The following NTM variants were observed in gnomAD, a reference collection of about 807,000 sequenced individuals.
NTM encodes the protein neurotrimin, also known as IgLON family member 2.
Under a neutral mutation model 42.1 loss-of-function variants are expected in NTM, and 13 were observed. That is an observed-to-expected ratio of 0.31 (90% CI 0.20 to 0.49). NTM has a LOEUF of 0.49. Ranked by LOEUF, NTM falls within the 20% of genes least tolerant of loss-of-function variation. The pLI, the probability that NTM is intolerant of heterozygous loss-of-function variation, is 0.99. For synonymous variants in NTM, 187 were observed against 179.2 expected, an observed-to-expected ratio of 1.04 and a Z score of -0.35; for missense variants, 373 against 452.8, an observed-to-expected ratio of 0.82 and a Z score of 1.60.
chr11:131,501,579 A>G (rs2046836113), intron 1 of NTM, among the ~76,000 whole-genome samples: 1 of 152,166 alleles, frequency 6.6e-6, no homozygotes, highest in African/African-American at 2.4e-5. Flanking sequence ...TTATATGTTC[A>G]AAAGGTCAGG....
At chr11:131,664,031 C>A (rs1385867899) in intron 1 of NTM, among the ~76,000 whole-genome samples, 4 of 152,196 alleles carry the variant, frequency 2.6e-5, no homozygotes, top group Non-Finnish European at 5.9e-5. Flanking sequence ...AAAGGAAAGT[C>A]TTTGGACCAC....
chr11:131,653,488 C>G (rs1249105154), intron 1 of NTM, among the ~76,000 whole-genome samples: 1 of 152,232 alleles, frequency 6.6e-6, no homozygotes, highest in African/African-American at 2.4e-5. Flanking sequence ...AGTGGGGCCT[C>G]TGTGTTTTAC....
chr11:131,859,074 A>ACATCCATC (rs772277900), intron 1 of NTM, among the ~76,000 whole-genome samples: 1 of 152,084 alleles, frequency 6.6e-6, no homozygotes, highest in East Asian at 1.9e-4. Context: ...TTCCCCTTCA[A>ACATCCATC]CATCCATCCA....
chr11:131,920,568 T>C (rs1260673097), intron 2 of NTM, among the ~76,000 whole-genome samples: 3 of 152,248 alleles, frequency 2.0e-5, no homozygotes, highest in Non-Finnish European at 4.4e-5. Context: ...TGATCTTTCA[T>C]GATCTGTTTT....
intron 1 of NTM, among the ~76,000 whole-genome samples, chr11:131,737,715 A>G (rs1236393502): frequency 3.3e-5 from 5 of 151,926 alleles, no homozygotes; most frequent in African/African-American, 1.2e-4. Context: ...CTCTGCAAAT[A>G]TCTTCCGCTT....
intron 1 of NTM, among the ~76,000 whole-genome samples, chr11:131,665,493 G>C (rs1192352943): frequency 6.6e-6 from 1 of 152,150 alleles, no homozygotes; most frequent in Non-Finnish European, 1.5e-5. Flanking sequence ...ATATGGCTAG[G>C]ACCGAATCCA....
At chr11:131,982,648 GA>G (rs2134942194) in intron 2 of NTM, among the ~76,000 whole-genome samples, 1 of 152,230 alleles carries the variant, frequency 6.6e-6, no homozygotes, top group South Asian at 2.1e-4. Context: ...GGAATAAAGG[GA>G]AAAATTATTG....
chr11:131,740,679 CCTT>C (rs1285269136), intron 1 of NTM, among the ~76,000 whole-genome samples: 2 of 152,072 alleles, frequency 1.3e-5, no homozygotes, highest in Non-Finnish European at 2.9e-5. Context: ...CTGTCTGTCT[CCTT>C]CTTTCCTCTC....
intron 1 of NTM, among the ~76,000 whole-genome samples, chr11:131,787,009 G>A (rs2089346265): frequency 6.6e-6 from 1 of 151,948 alleles, no homozygotes. Flanking sequence ...GTGAGCATTA[G>A]TATTACTAAA....
chr11:132,128,107 G>A (rs2066160691), intron 2 of NTM, among the ~76,000 whole-genome samples: 1 of 152,202 alleles, frequency 6.6e-6, no homozygotes, highest in Non-Finnish European at 1.5e-5. Context: ...TGTAGATGAA[G>A]TCTGAGGGCA....
chr11:131,593,501 T>C (rs2059561168), intron 1 of NTM, among the ~76,000 whole-genome samples: 1 of 152,104 alleles, frequency 6.6e-6, no homozygotes, highest in Non-Finnish European at 1.5e-5. Flanking sequence ...ACAAGCCAAG[T>C]GTAAAGGCTC....
At chr11:132,094,616 A>C (rs1310549026) in intron 2 of NTM, among the ~76,000 whole-genome samples, 1 of 152,190 alleles carries the variant, frequency 6.6e-6, no homozygotes, top group Admixed American at 6.6e-5. Context: ...TGAGTAGTGC[A>C]TTGAGGACAC....
At chr11:131,903,943 T>A (rs1035006253) in intron 1 of NTM, among the ~76,000 whole-genome samples, 3 of 152,180 alleles carry the variant, frequency 2.0e-5, no homozygotes, top group African/African-American at 7.2e-5. Context: ...CATGAAGATT[T>A]TTTTTTGTTT....
At position 132,191,127 on chromosome 11, in the gene NTM, C is replaced by T. The variant is rs558148793; in HGVS notation, c.401-20895C>T. ...ACAAAACTAAAAAGCATTGTTGCAG[C>T]CCCCTACCCCTGCACACTGCCCCTC... On this transcript the variant is annotated intron_variant, in intron 3 of 8. Transcript: ENST00000683400. 7.2e-4 allele frequency among the ~76,000 whole-genome samples: 110 copies of T among 152,220 alleles called. 1 individual carries two copies. Among genetic ancestry groups the T allele is most frequent in the Admixed American group, 1.5e-3 (23 of 15,288 alleles).
intron 2 of NTM, among the ~76,000 whole-genome samples, chr11:131,929,370 T>C (rs1365624688): frequency 1.3e-5 from 2 of 151,926 alleles, no homozygotes; most frequent in Non-Finnish European, 2.9e-5. Context: ...CAGGCCTTGG[T>C]GATGGCTTTG....
intron 1 of NTM, among the ~76,000 whole-genome samples, chr11:131,826,813 T>C (rs1400989662): frequency 6.6e-6 from 1 of 152,034 alleles, no homozygotes; most frequent in Admixed American, 6.5e-5. Context: ...CCTCTGGAGC[T>C]TTGGTGATAT....
At chr11:132,150,579 G>C (rs1167801267) in intron 3 of NTM, among the ~76,000 whole-genome samples, 1 of 152,116 alleles carries the variant, frequency 6.6e-6, no homozygotes, top group Non-Finnish European at 1.5e-5. Flanking sequence ...TTAAATAGAT[G>C]GTGCTCTTTT....
rs149197464 is a variant in NTM at position 132,022,394 on chromosome 11, C to T, written c.167+110746C>T. Among the ~76,000 whole-genome samples, 4 of 152,284 alleles carry T rather than the reference C, an allele frequency of 2.6e-5. No homozygotes were observed. In the East Asian group the frequency reaches 7.7e-4, roughly 29 times the overall value. ...TCACTGGTCTTTATTTAGCACTGTT[C>T]TCAGACATTTATATTTGTAGCTTTG... is the stretch of plus-strand genomic sequence containing the variant. On this transcript the variant is annotated intron_variant, in intron 2 of 8. Transcript: ENST00000683400.
At chr11:131,719,963 C>T (rs947440149) in intron 1 of NTM, among the ~76,000 whole-genome samples, 5 of 152,120 alleles carry the variant, frequency 3.3e-5, no homozygotes, top group African/African-American at 1.2e-4. Flanking sequence ...ATGCTCACTA[C>T]GTGTGTATTT....
Sources: allele counts gnomAD v4.1 joint callset (sites outside exome capture counted in the v4.1 genomes callset), GRCh38; gene constraint gnomAD v4.1.1; transcripts MANE v1.5; gene names NCBI Gene and HGNC (gene_info 2026-07-23, HGNC 2026-07-21).